Variants in AP5Z1 observed in about 807,000 individuals in gnomAD.
AP5Z1 encodes the protein AP-5 complex subunit zeta-1.
In AP5Z1, 106 loss-of-function variants were observed where a neutral mutation model predicts 83.0. The ratio of observed to expected loss-of-function variants is 1.28; its 90% CI spans 1.09 to 1.50. The LOEUF is 1.50. AP5Z1 is among the 40% of genes most tolerant of loss of function. The pLI is 0.00. For synonymous variants in AP5Z1, 751 were observed against 514.1 expected (o/e 1.46, Z -6.23); for missense variants, 1,565 against 1,094.2 (o/e 1.43, Z -6.07).
At chr7:4,781,794 T>C in intron 3 of AP5Z1, 40 bp downstream of exon 3, 1 of 1,500,692 alleles carries the variant, frequency 6.7e-7, no homozygotes, top group Non-Finnish European at 8.9e-7. Context: ...ACCGGATGGC[T>C]GCTTCCCAAG....
rs555597896 is a variant in AP5Z1, at chr7:4,792,971, C to T, written c.*1586C>T. 2.5e-4 allele frequency: 41 copies of T among 162,666 alleles called. No homozygotes were observed. Among genetic ancestry groups the T allele is most frequent in the Middle Eastern group, 3.2e-3 (1 of 308 alleles). The allele number at this position is 162,666 out of a possible 1,614,324, so 10.1% of individuals were successfully genotyped here. On this transcript the variant is annotated 3_prime_UTR_variant, in exon 17 of 17. Transcript: ENST00000649063. ...CCGCAGCTCCCCTCCTGCCCTGGGG[C>T]GGGGCTTCCCTGACCTGAAGGCGTC...
intron 1 of AP5Z1, among the ~76,000 whole-genome samples, chr7:4,780,748 A>C (rs1781359604): frequency 6.6e-6 from 1 of 152,156 alleles, no homozygotes; most frequent in South Asian, 2.1e-4. Flanking sequence ...CCCGGGTGAC[A>C]GAGCAAGACT....
intron 2 of AP5Z1, 46 bp from the exon 3 acceptor site, chr7:4,781,522 A>G: frequency 6.3e-7 from 1 of 1,584,032 alleles, no homozygotes; most frequent in Non-Finnish European, 8.6e-7. Flanking sequence ...TGCTCCTGCC[A>G]CGGTCGTGAC....
At chr7:4,786,110 C>CCCCAGCGT (rs546591513) in intron 9 of AP5Z1, 140 bp from the exon 10 acceptor site, 1 of 820,706 alleles carries the variant, frequency 1.2e-6, no homozygotes, top group Non-Finnish European at 1.8e-6. Flanking sequence ...AGTGCCGCTT[C>CCCCAGCGT]CCCAGCGTCC....
rs928610762 is a variant in AP5Z1, at chr7:4,794,176, G to A, written c.*2791G>A. On this transcript the variant is annotated 3_prime_UTR_variant, in exon 17 of 17. Transcript: ENST00000649063. ...ACTCTGTATCTAGTTAATCTGGTGG[G>A]GACATGGAGAACCTTTGTGTCTAGC... is the stretch of plus-strand genomic sequence containing the variant. 2.0e-5 allele frequency: 3 copies of A among 152,112 alleles called. No homozygotes were observed. The highest frequency in any genetic ancestry group is 2.9e-5 in the Non-Finnish European group (2 of 68,078). 9.4% of individuals were successfully genotyped at this position (152,112 alleles called of 1,614,324 possible).
intron 4 of AP5Z1, 93 bp downstream of exon 4, chr7:4,783,553 G>T (rs555148843): frequency 6.4e-7 from 1 of 1,553,462 alleles, no homozygotes; most frequent in African/African-American, 1.4e-5. Context: ...TGGGGGGCAG[G>T]TGGGGGACAC....
intron 6 of AP5Z1, 73 bp downstream of exon 6, chr7:4,784,444 A>C: frequency 8.1e-6 from 12 of 1,479,488 alleles, no homozygotes; most frequent in Non-Finnish European, 9.9e-6. Context: ...GCAGGGGGAC[A>C]CGGGCGGAGG....
intron 10 of AP5Z1, among the ~76,000 whole-genome samples, chr7:4,786,855 C>T (rs997948328): frequency 1.7e-4 from 26 of 152,104 alleles, no homozygotes; most frequent in African/African-American, 5.8e-4. Flanking sequence ...ACTGCAACCC[C>T]CGCCTCCTGG....
rs1158533950 is a variant in AP5Z1, at chr7:4,789,481, C to A, written c.1708-351C>A. On this transcript the variant is annotated intron_variant, in intron 13 of 16. Transcript: ENST00000649063. ...TTCCCACCTCGGGGAGCTCTACAAG[C>A]CAGTGCAGGAGAGCCTGGGAGGTGG... Among the ~76,000 whole-genome samples, 5 of 152,262 alleles carry A rather than the reference C, an allele frequency of 3.3e-5. No individual in the cohort carries two copies. The South Asian group carries it at 6.2e-4, about 19-fold the overall frequency.
intron 9 of AP5Z1, among the ~76,000 whole-genome samples, chr7:4,786,017 G>A (rs1170641671): frequency 6.6e-6 from 1 of 152,226 alleles, no homozygotes; most frequent in Non-Finnish European, 1.5e-5. Context: ...AAACCTGAAA[G>A]TCTAGGAACC....
intron 4 of AP5Z1, 32 bp from the exon 5 acceptor site, chr7:4,783,657 C>G: frequency 6.5e-7 from 1 of 1,539,280 alleles, no homozygotes; most frequent in South Asian, 1.2e-5. Context: ...AGGATTCAAC[C>G]TCACCTCCCC....
intron 1 of AP5Z1, among the ~76,000 whole-genome samples, chr7:4,779,005 T>G (rs1368066376): frequency 6.8e-6 from 1 of 146,574 alleles, no homozygotes; most frequent in Non-Finnish European, 1.5e-5. Flanking sequence ...CACTCCAGCC[T>G]GGGTGACAGC....
intron 11 of AP5Z1, 136 bp downstream of exon 11, chr7:4,787,912 C>G: frequency 8.1e-7 from 1 of 1,234,914 alleles, no homozygotes; most frequent in Non-Finnish European, 1.1e-6. Flanking sequence ...CAGTCCTCCC[C>G]TGCAAAGCCA....
rs75785811 is a variant in AP5Z1 at position 4,788,473 on chromosome 7, G to A, written c.1595+179G>A. ...GCTTCTGCACCACGGGTCTGCCGGG[G>A]GCGGGGCCTGGTCTCAGCTCTCTCT... On this transcript the variant is annotated intron_variant, in intron 12 of 16. Coordinates refer to ENST00000649063, the MANE Select transcript of AP5Z1 (RefSeq NM_014855.3). The A allele has an allele frequency of 3.9e-5, 31 of 788,240 alleles. No homozygotes were observed. The East Asian group carries it at 7.2e-4, about 18-fold the overall frequency. 48.8% of individuals were successfully genotyped at this position (788,240 alleles called of 1,614,324 possible). A position where few individuals can be genotyped will look rare whatever the true frequency, so the allele number is the denominator to read the frequency against.
At chr7:4,789,968 G>T in intron 14 of AP5Z1, 39 bp downstream of exon 14, 1 of 1,474,382 alleles carries the variant, frequency 6.8e-7, no homozygotes, top group Non-Finnish European at 9.1e-7. Flanking sequence ...CCCTGGGCGG[G>T]TGCCTCCTGG....
chr7:4,791,559 C>T lies in AP5Z1; in HGVS notation c.*174C>T. On this transcript the variant is annotated 3_prime_UTR_variant, in exon 17 of 17. Transcript: ENST00000649063. ...CGGGGCTGGCCCCCCTGCTCACCCT[C>T]TGGGCTTTGTCTCCGAGCCTTTTGC... 1 of 969,094 alleles carries T rather than the reference C, an allele frequency of 1.0e-6. No individual in the cohort carries two copies. Among genetic ancestry groups the T allele is most frequent in the Non-Finnish European group, 1.5e-6 (1 of 670,178 alleles). The allele number at this position is 969,094 out of a possible 1,614,324, so 60.0% of individuals were successfully genotyped here.
intron 14 of AP5Z1, chr7:4,790,137 C>G: frequency 3.4e-6 from 5 of 1,457,118 alleles, no homozygotes; most frequent in Non-Finnish European, 3.6e-6. Context: ...GTCCTTCTTT[C>G]TGCCGAGCCT....
At chr7:4,785,849 C>T (rs1562408770) in intron 9 of AP5Z1, among the ~76,000 whole-genome samples, 165 bp downstream of exon 9, 1 of 151,482 alleles carries the variant, frequency 6.6e-6, no homozygotes, top group Non-Finnish European at 1.5e-5. Context: ...TCAAGCGATC[C>T]TCCTGCCTTG....
In AP5Z1 at chr7:4,791,351, T is replaced by C; in HGVS notation, c.2390T>C (p.Leu797Pro). ...CTGGCCCTGCGCACGGTCAGCCGGC[T>C]GGTGGAGAGGGAGGCCGGCCTCATG... ...LPLALRTVSR[L>P]VEREAGLMPG Residue 797 changes from leucine to proline, a missense_variant, in exon 17 of 17, where the codon CTG becomes CCG. Leu to Pro is a moderately conservative substitution (Grantham distance 98). Transcript: ENST00000649063. 1 of 1,608,860 alleles carries C rather than the reference T, an allele frequency of 6.2e-7. No homozygotes were observed. Among genetic ancestry groups the C allele is most frequent in the Non-Finnish European group, 8.5e-7 (1 of 1,178,216 alleles).
Sources: gnomAD v4.1 joint callset for allele counts (sites outside exome capture counted in the v4.1 genomes callset) on GRCh38, gnomAD v4.1.1 for gene constraint, MANE v1.5 for transcripts, NCBI Gene and HGNC (gene_info 2026-07-23, HGNC 2026-07-21) for gene names.